Variants in HMOX1 observed in about 807,000 individuals in gnomAD.
HMOX1 encodes heme oxygenase 1, also known as heat shock protein, 32-kD.
HMOX1 carries 22 observed loss-of-function variants against 27.8 expected under a neutral mutation model. That is an observed-to-expected ratio of 0.79 (90% CI 0.57 to 1.13). The LOEUF (loss-of-function observed/expected upper bound fraction) is 1.13. Ranked by LOEUF, HMOX1 falls within the 50% of genes most tolerant of loss-of-function variation. The pLI is 0.00. For missense variants in HMOX1, 379 were observed against 377.7 expected, an observed-to-expected ratio of 1.00 and a Z score of -0.03; for synonymous variants, 153 against 151.6, an observed-to-expected ratio of 1.01 and a Z score of -0.07.
At chr22:35,382,556 T>C (rs1281389373) in intron 1 of HMOX1, among the ~76,000 whole-genome samples, 12 of 145,348 alleles carry the variant, frequency 8.3e-5, no homozygotes, top group Non-Finnish European at 1.5e-4. Flanking sequence ...AGAGATAGGG[T>C]TTCACCATGT....
At chr22:35,389,425 TTTCTATCTTTCTTTCTTTC>T (rs1931648577) in intron 3 of HMOX1, among the ~76,000 whole-genome samples, 3 of 81,428 alleles carry the variant, frequency 3.7e-5, no homozygotes, top group African/African-American at 1.2e-4. Flanking sequence ...TCTTTCTTTC[TTTCTATCTTTCTTTCTTTC>T]TTTCTTTTCT....
intron 1 of HMOX1, 50 bp downstream of exon 1, chr22:35,381,246 T>A (rs1250002587): frequency 6.5e-7 from 1 of 1,539,928 alleles, no homozygotes; most frequent in Admixed American, 1.9e-5. Context: ...CTCCCAACCC[T>A]GCTTGCGTCC....
At chr22:35,389,583 C>G (rs1280410395) in intron 3 of HMOX1, among the ~76,000 whole-genome samples, 1 of 151,436 alleles carries the variant, frequency 6.6e-6, no homozygotes, top group African/African-American at 2.4e-5. Context: ...GCTGGGATTA[C>G]AGGCATGCAC....
intron 2 of HMOX1, among the ~76,000 whole-genome samples, chr22:35,385,058 A>C (rs1284754603): frequency 1.3e-5 from 2 of 152,002 alleles, no homozygotes; most frequent in Non-Finnish European, 2.9e-5. Flanking sequence ...TAAATGTCTT[A>C]ACTTTGTTCT....
intron 3 of HMOX1, 35 bp from the exon 4 acceptor site, chr22:35,389,829 C>T (rs1240838312): frequency 3.5e-6 from 5 of 1,430,326 alleles, no homozygotes; most frequent in Non-Finnish European, 4.9e-6. Context: ...TAGCATCTCT[C>T]ACTGAGATAG....
rs1319579083 is a variant in HMOX1, at chr22:35,387,069, A to G, written c.529A>G (p.Lys177Glu). ...FTFPNIASAT[K>E]FKQLYRSRMN... ...CTTCCCCAACATTGCCAGTGCCACC[A>G]AGTTCAAGCAGCTCTACCGCTCCCG... Residue 177 changes from lysine to glutamate, a missense_variant, in exon 3 of 5, where the codon AAG becomes GAG. By Grantham distance (56) the Lys-to-Glu change is moderately conservative. Coordinates refer to ENST00000216117, the MANE Select transcript of HMOX1 (RefSeq NM_002133.3). The G allele has an allele frequency of 6.2e-7, 1 of 1,613,506 alleles. No individual in the cohort carries two copies. The highest frequency in any genetic ancestry group is 1.3e-5 in the African/African-American group (1 of 74,940).
intron 2 of HMOX1, among the ~76,000 whole-genome samples, chr22:35,383,498 C>T (rs1052120679): frequency 4.6e-5 from 7 of 152,120 alleles, no homozygotes; most frequent in Admixed American, 6.6e-5. Flanking sequence ...ATTTTGTACA[C>T]GTGGTTTCTA....
rs71191362 is a variant in HMOX1 at position 35,385,609 on chromosome 22, CTTT to C, written c.145-1056_145-1054del. Among the ~76,000 whole-genome samples the C allele has an allele frequency of 3.5e-3, 326 of 94,194 alleles. 1 individual carries two copies. Among genetic ancestry groups the C allele is most frequent in the African/African-American group, 0.013 (301 of 22,884 alleles). The allele number at this position is 94,194 out of a possible 152,430, so 61.8% of individuals were successfully genotyped here. On this transcript the variant is annotated intron_variant, in intron 2 of 4. Transcript: ENST00000216117. Reference sequence around the variant, plus strand: ...CATGCACCCCCACAGCCATACCTGGCTTTTTTTTTTTTTTTTTTTTTTCTGAGT... The same window carrying C: ...CATGCACCCCCACAGCCATACCTGGCTTTTTTTTTTTTTTTTTTTCTGAGT...
chr22:35,392,708 G>A (rs1170396767), intron 4 of HMOX1, among the ~76,000 whole-genome samples: 3 of 148,108 alleles, frequency 2.0e-5, no homozygotes, highest in Admixed American at 1.4e-4. Flanking sequence ...GGCCTATCAT[G>A]TTTTAAATCT....
chr22:35,386,195 A>T (rs900669395), intron 2 of HMOX1, among the ~76,000 whole-genome samples: 16 of 151,758 alleles, frequency 1.1e-4, no homozygotes, highest in South Asian at 8.3e-4. Context: ...TGACCTTGTG[A>T]TCCTCCCGCC....
intron 1 of HMOX1, among the ~76,000 whole-genome samples, chr22:35,381,964 T>A (rs1019917540): frequency 2.0e-5 from 3 of 152,130 alleles, no homozygotes; most frequent in African/African-American, 7.2e-5. Context: ...ACAGAAATAC[T>A]CCCAGAAAGA....
chr22:35,391,094 T>G (rs1463386116), intron 4 of HMOX1, among the ~76,000 whole-genome samples: 1 of 152,134 alleles, frequency 6.6e-6, no homozygotes, highest in East Asian at 1.9e-4. Context: ...TTCTCACTTG[T>G]GCCAGACCAC....
chr22:35,382,663 C>CT (rs34918147), intron 1 of HMOX1, among the ~76,000 whole-genome samples: 47,738 of 145,554 alleles, frequency 0.33, 8,178 homozygotes, highest in East Asian at 0.49. Context: ...ATGCCTGGCC[C>CT]TTTTTTTCTT....
intron 4 of HMOX1, among the ~76,000 whole-genome samples, chr22:35,392,546 C>T (rs1931747418): frequency 6.6e-6 from 1 of 152,040 alleles, no homozygotes; most frequent in Admixed American, 6.6e-5. Flanking sequence ...AAGCCCTTCT[C>T]ATAGCCCAGG....
At chr22:35,387,615 G>A (rs1931542079) in intron 3 of HMOX1, among the ~76,000 whole-genome samples, 3 of 152,206 alleles carry the variant, frequency 2.0e-5, no homozygotes. Context: ...TGCCTTCCAG[G>A]GACTCTCAGC....
Position 35,389,959 on chromosome 22 carries a change from G to T in HMOX1, c.732G>T (p.Val244=). 1 of 1,609,156 alleles carries T rather than the reference G, an allele frequency of 6.2e-7. No homozygotes were observed. The highest frequency in any genetic ancestry group is 8.5e-7 in the Non-Finnish European group (1 of 1,178,174). ...TTCGCCAGCGGGCCAGCAACAAAGT[G>T]CAAGGTGAGAGCATCCAGGAAGGGG... ...PGLRQRASNK[V]QDSAPVETPR... Residue 244 remains valine, a synonymous_variant, in exon 4 of 5, where the codon GTG becomes GTT. Coordinates refer to ENST00000216117, the MANE Select transcript of HMOX1 (RefSeq NM_002133.3).
chr22:35,389,252 C>CT (rs1569057162), intron 3 of HMOX1, among the ~76,000 whole-genome samples: 1 of 58,238 alleles, frequency 1.7e-5, no homozygotes, highest in African/African-American at 1.0e-4. Context: ...TCTTTCTTTT[C>CT]TCTCTCTCTC....
intron 2 of HMOX1, among the ~76,000 whole-genome samples, chr22:35,385,221 C>T (rs7285877): frequency 0.15 from 23,327 of 151,930 alleles, 3,754 homozygotes; most frequent in African/African-American, 0.41. Flanking sequence ...TAGTTGGTTA[C>T]GCAGAGGTCA....
chr22:35,388,064 G>T (rs920992243), intron 3 of HMOX1, among the ~76,000 whole-genome samples: 4 of 151,950 alleles, frequency 2.6e-5, no homozygotes, highest in Non-Finnish European at 5.9e-5. Context: ...AGGAGTTTCA[G>T]ACCAGCCTGA....
Sources: gnomAD v4.1 joint callset for allele counts (sites outside exome capture counted in the v4.1 genomes callset) on GRCh38, gnomAD v4.1.1 for gene constraint, MANE v1.5 for transcripts, NCBI Gene and HGNC (gene_info 2026-07-23, HGNC 2026-07-21) for gene names.